KAZN: variants seen among roughly 807,000 people sequenced by gnomAD.
KAZN encodes kazrin, periplakin interacting protein.
Under a neutral mutation model 87.4 loss-of-function variants are expected in KAZN, and 40 were observed. The ratio of observed to expected loss-of-function variants is 0.46; its 90% CI spans 0.36 to 0.60. The LOEUF (loss-of-function observed/expected upper bound fraction) is 0.60. Ranked by LOEUF, KAZN falls within the 20% of genes least tolerant of loss-of-function variation. KAZN has a pLI of 0.00. For missense variants in KAZN, 898 were observed against 1,073.9 expected, an observed-to-expected ratio of 0.84 and a Z score of 2.29; for synonymous variants, 466 against 458.3, an observed-to-expected ratio of 1.02 and a Z score of -0.22.
intron 1 of KAZN, among the ~76,000 whole-genome samples, chr1:13,971,922 G>C (rs1447529591): frequency 6.6e-6 from 1 of 151,996 alleles, no homozygotes; most frequent in Non-Finnish European, 1.5e-5. Context: ...CACCATAATT[G>C]TAAGTTCCCT....
At position 15,081,314 on chromosome 1, in the gene KAZN, AC is replaced by A. The variant is rs957517739; in HGVS notation, c.1223-12864del. Reference sequence around the variant, plus strand: ...AATTGGCCACAATAGGAGTATTTACACCACAGAAATTGGCAAGCAAATGCTA... The same window carrying A: ...AATTGGCCACAATAGGAGTATTTACACACAGAAATTGGCAAGCAAATGCTA... On this transcript the variant is annotated intron_variant, in intron 8 of 14. Coordinates refer to ENST00000376030, the MANE Select transcript of KAZN (RefSeq NM_201628.3). This position sits in a 1 kb window ranked among gnomAD's most constrained non-coding sequence, Gnocchi z 4.1. Among the ~76,000 whole-genome samples, 2 of 152,174 alleles carry A rather than the reference AC, an allele frequency of 1.3e-5. No individual in the cohort carries two copies. The highest frequency in any genetic ancestry group is 4.8e-5 in the African/African-American group (2 of 41,440).
At chr1:13,896,844 A>T (rs902641183) in intron 1 of KAZN, among the ~76,000 whole-genome samples, 4 of 152,112 alleles carry the variant, frequency 2.6e-5, no homozygotes, top group African/African-American at 4.8e-5. Context: ...AAGAGGTGGG[A>T]ATGGGAGGGG....
intron 2 of KAZN, among the ~76,000 whole-genome samples, chr1:15,008,719 G>T (rs1008891384): frequency 6.6e-6 from 1 of 152,170 alleles, no homozygotes; most frequent in Non-Finnish European, 1.5e-5. Flanking sequence ...TTCAAGGTCT[G>T]TGTAAGGCAC....
chr1:14,495,768 T>C (rs74750517), intron 2 of KAZN, among the ~76,000 whole-genome samples: 6,326 of 152,088 alleles, frequency 0.042, 445 homozygotes, highest in African/African-American at 0.14. Flanking sequence ...GTTAGGAAAT[T>C]TGGGGTAGAG....
chr1:14,500,093 A>G (rs1439807388), intron 2 of KAZN, among the ~76,000 whole-genome samples: 1 of 152,206 alleles, frequency 6.6e-6, no homozygotes, highest in East Asian at 1.9e-4. Context: ...AATTTTTAAT[A>G]CTTTCTATGA....
intron 2 of KAZN, among the ~76,000 whole-genome samples, chr1:14,296,629 C>CTTTTTTTTT (rs775666706): frequency 2.4e-5 from 2 of 82,758 alleles, no homozygotes; most frequent in African/African-American, 4.9e-5. Flanking sequence ...TTTTGTATTT[C>CTTTTTTTTT]TTTTTTTTTT....
intron 2 of KAZN, among the ~76,000 whole-genome samples, chr1:14,234,745 G>A (rs949444606): frequency 6.6e-6 from 1 of 152,242 alleles, no homozygotes; most frequent in Non-Finnish European, 1.5e-5. Context: ...AAATCTGGAA[G>A]GTGATGAATC....
chr1:14,673,073 G>A (rs561229264), intron 1 of KAZN, among the ~76,000 whole-genome samples: 66 of 152,348 alleles, frequency 4.3e-4, no homozygotes, highest in African/African-American at 1.1e-3. Flanking sequence ...AAAGATCAGC[G>A]TGGCCCAAAA....
At chr1:14,968,536 A>G (rs57249228) in intron 2 of KAZN, among the ~76,000 whole-genome samples, 1,888 of 152,254 alleles carry the variant, frequency 0.012, 30 homozygotes, top group African/African-American at 0.043. Flanking sequence ...CTTTCCCTGG[A>G]CTTGGCAGCC....
At chr1:14,402,006 A>G (rs1225053842) in intron 2 of KAZN, among the ~76,000 whole-genome samples, 3 of 152,030 alleles carry the variant, frequency 2.0e-5, no homozygotes, top group South Asian at 2.1e-4. Flanking sequence ...TGTTAATATA[A>G]TACAAGTAAA....
At chr1:14,182,538 T>C (rs191619704) in intron 2 of KAZN, among the ~76,000 whole-genome samples, 2 of 152,314 alleles carry the variant, frequency 1.3e-5, no homozygotes, top group African/African-American at 2.4e-5. Context: ...TCAATTGGGA[T>C]CATGTCACCT....
intron 1 of KAZN, among the ~76,000 whole-genome samples, chr1:14,706,323 C>T (rs1642206061): frequency 6.6e-6 from 1 of 151,986 alleles, no homozygotes; most frequent in Non-Finnish European, 1.5e-5. Flanking sequence ...ATCCCCAAAC[C>T]ATCCCCCCAC....
intron 1 of KAZN, among the ~76,000 whole-genome samples, chr1:14,733,418 C>A (rs999277248): frequency 6.6e-6 from 1 of 152,134 alleles, no homozygotes; most frequent in Non-Finnish European, 1.5e-5. Flanking sequence ...TATTGATTTG[C>A]AAATTTTCCA....
chr1:14,268,272 G>T (rs550007187), intron 2 of KAZN, among the ~76,000 whole-genome samples: 2 of 152,322 alleles, frequency 1.3e-5, no homozygotes, highest in African/African-American at 2.4e-5. Context: ...GCTAACTGTG[G>T]TGCTGACATT....
intron 1 of KAZN, among the ~76,000 whole-genome samples, chr1:14,165,793 T>A (rs1257464695): frequency 6.6e-6 from 1 of 152,160 alleles, no homozygotes; most frequent in Non-Finnish European, 1.5e-5. Context: ...TCAAATAGCT[T>A]CATGTCTTAG....
intron 1 of KAZN, among the ~76,000 whole-genome samples, chr1:14,062,456 T>C (rs557635249): frequency 6.6e-6 from 1 of 152,328 alleles, no homozygotes; most frequent in South Asian, 2.1e-4. Context: ...GGGTCTTGTC[T>C]GATGGATGAC....
chr1:14,441,706 G>C (rs1443592848), intron 2 of KAZN, among the ~76,000 whole-genome samples: 1 of 152,214 alleles, frequency 6.6e-6, no homozygotes, highest in Non-Finnish European at 1.5e-5. Flanking sequence ...GCTGGCTCAT[G>C]ATGGGGGCAT....
intron 1 of KAZN, among the ~76,000 whole-genome samples, chr1:14,103,040 C>A (rs887372402): frequency 2.6e-5 from 4 of 152,006 alleles, no homozygotes; most frequent in African/African-American, 9.7e-5. Context: ...CCTCAGCCTC[C>A]CAAGCAGATG....
chr1:14,101,330 A>C (rs1236225300), intron 1 of KAZN, among the ~76,000 whole-genome samples: 1 of 152,208 alleles, frequency 6.6e-6, no homozygotes, highest in East Asian at 1.9e-4. Flanking sequence ...GGAGAATAAC[A>C]CCATTCATCT....
Sources: gnomAD v4.1 joint callset for allele counts (sites outside exome capture counted in the v4.1 genomes callset) on GRCh38, gnomAD v4.1.1 for gene constraint, Gnocchi (gnomAD v3.1) non-coding constraint, MANE v1.5 for transcripts, NCBI Gene and HGNC (gene_info 2026-07-23, HGNC 2026-07-21) for gene names.